Variants in MAGI2 observed in about 807,000 individuals in gnomAD.
The protein encoded by MAGI2 is membrane-associated guanylate kinase, WW and PDZ domain-containing protein 2.
Under a neutral mutation model 133.3 loss-of-function variants are expected in MAGI2, and 35 were observed. That is an observed-to-expected ratio of 0.26 (90% CI 0.20 to 0.35). The LOEUF (loss-of-function observed/expected upper bound fraction) is 0.35. MAGI2 is among the 10% of genes least tolerant of loss of function. The pLI is 1.00. For synonymous variants in MAGI2, 729 were observed against 710.6 expected (o/e 1.03, Z -0.41); for missense variants, 1,636 against 1,863.4 (o/e 0.88, Z 2.25).
At chr7:78,584,356 G>A (rs1054387272) in intron 3 of MAGI2, among the ~76,000 whole-genome samples, 3 of 140,654 alleles carry the variant, frequency 2.1e-5, no homozygotes, top group African/African-American at 7.9e-5. Flanking sequence ...AGAGGCAGAG[G>A]TTGCAGTGAG....
intron 1 of MAGI2, among the ~76,000 whole-genome samples, chr7:79,182,571 T>C (rs1826715800): frequency 1.3e-5 from 2 of 151,910 alleles, no homozygotes; most frequent in Admixed American, 6.6e-5. Flanking sequence ...AATTGGACTC[T>C]TATACACTAT....
chr7:78,930,016 C>T (rs1043694721), intron 2 of MAGI2, among the ~76,000 whole-genome samples: 1 of 151,990 alleles, frequency 6.6e-6, no homozygotes, highest in Non-Finnish European at 1.5e-5. Context: ...AAGACGTCAC[C>T]AGTAGAATAC....
intron 1 of MAGI2, among the ~76,000 whole-genome samples, chr7:79,248,006 A>C (rs1315380723): frequency 6.6e-6 from 1 of 152,174 alleles, no homozygotes; most frequent in African/African-American, 2.4e-5. Context: ...TGGCAGGAGT[A>C]AGTTCATACT....
chr7:79,358,787 C>T (rs1842189740), intron 1 of MAGI2, among the ~76,000 whole-genome samples: 1 of 152,106 alleles, frequency 6.6e-6, no homozygotes, highest in African/African-American at 2.4e-5. Flanking sequence ...TTCAGTGGCA[C>T]TAACAAACCA....
intron 5 of MAGI2, among the ~76,000 whole-genome samples, chr7:78,497,002 G>A (rs758815093): frequency 6.6e-6 from 1 of 152,166 alleles, no homozygotes; most frequent in Non-Finnish European, 1.5e-5. Flanking sequence ...TAAGGATTAA[G>A]TGAATGGAGT....
At chr7:79,445,172 G>T (rs556755092) in intron 1 of MAGI2, among the ~76,000 whole-genome samples, 100 of 152,228 alleles carry the variant, frequency 6.6e-4, no homozygotes, top group Non-Finnish European at 1.1e-3. Flanking sequence ...ATTCAAGATG[G>T]ATTAAAGACT....
chr7:79,245,514 G>A (rs1832753536), intron 1 of MAGI2, among the ~76,000 whole-genome samples: 1 of 152,196 alleles, frequency 6.6e-6, no homozygotes, highest in African/African-American at 2.4e-5. Flanking sequence ...CAAGTTCGGG[G>A]TGGTGGTGTC....
chr7:79,360,376 A>AAGT (rs1842304347), intron 1 of MAGI2, among the ~76,000 whole-genome samples: 1 of 152,114 alleles, frequency 6.6e-6, no homozygotes, highest in African/African-American at 2.4e-5. Flanking sequence ...AGATTGGCTA[A>AAGT]AGTAGTTTCT....
At chr7:79,025,972 T>C (rs1235944624) in intron 1 of MAGI2, among the ~76,000 whole-genome samples, 6 of 152,216 alleles carry the variant, frequency 3.9e-5, no homozygotes, top group Admixed American at 6.5e-5. Flanking sequence ...TACTGAATTA[T>C]AAAATAGCAT....
chr7:79,153,841 C>T (rs1329447931), intron 1 of MAGI2, among the ~76,000 whole-genome samples: 1 of 152,114 alleles, frequency 6.6e-6, no homozygotes, highest in East Asian at 1.9e-4. Flanking sequence ...CTTCCAAGGC[C>T]ACCTTTCACT....
chr7:78,090,752 A>AGCT lies in MAGI2; in HGVS notation c.3568-11670_3568-11668dup, dbSNP rs142948437. Among the ~76,000 whole-genome samples the AGCT allele has an allele frequency of 7.8e-3, 1,188 of 152,328 alleles. 12 individuals carry two copies. Among genetic ancestry groups the AGCT allele is most frequent in the African/African-American group, 0.027 (1,117 of 41,568 alleles). On this transcript the variant is annotated intron_variant, in intron 20 of 21. Coordinates refer to ENST00000354212, the MANE Select transcript of MAGI2 (RefSeq NM_012301.4). ...AATCTTCTACTTGCAAGGAGAGGCA[A>AGCT]GCTTACAAACAGCAAGCCTGTGCCA... is the stretch of plus-strand genomic sequence containing the variant.
Position 78,581,546 on chromosome 7 carries a change from A to G in MAGI2, c.538+45574T>C, listed in dbSNP as rs377389553. 1.6e-3 allele frequency among the ~76,000 whole-genome samples: 243 copies of G among 152,320 alleles called. 1 individual carries two copies. Among genetic ancestry groups the G allele is most frequent in the African/African-American group, 5.6e-3 (233 of 41,574 alleles). ...AGTAACTTCACACATTTTATTTTCT[A>G]GAGAAAAATCACACACTACTTGAAA... On this transcript the variant is annotated intron_variant, in intron 3 of 21. Transcript: ENST00000354212.
chr7:78,153,942 A>AATC (rs1439046243), intron 16 of MAGI2, among the ~76,000 whole-genome samples: 1 of 152,140 alleles, frequency 6.6e-6, no homozygotes, highest in Non-Finnish European at 1.5e-5. Context: ...ATTTAGCTTG[A>AATC]ATCTCCTTGT....
chr7:78,081,766 T>C (rs35764604), intron 20 of MAGI2, among the ~76,000 whole-genome samples: 15,302 of 152,110 alleles, frequency 0.1, 1,249 homozygotes, highest in East Asian at 0.43. Flanking sequence ...AGCTGAGTGG[T>C]GGTTAGAAAT....
At chr7:78,401,859 AG>A (rs1796899530) in intron 6 of MAGI2, among the ~76,000 whole-genome samples, 1 of 152,156 alleles carries the variant, frequency 6.6e-6, no homozygotes, top group Non-Finnish European at 1.5e-5. Context: ...GTGGAGTATG[AG>A]TAAGCAGTTA....
intron 2 of MAGI2, among the ~76,000 whole-genome samples, chr7:78,708,550 A>T (rs181528358): frequency 5.6e-4 from 86 of 152,256 alleles, no homozygotes; most frequent in Admixed American, 2.9e-3. Flanking sequence ...TATTTTACAC[A>T]TGTTAATTCA....
At chr7:79,290,611 G>C (rs746582897) in intron 1 of MAGI2, among the ~76,000 whole-genome samples, 2 of 151,526 alleles carry the variant, frequency 1.3e-5, no homozygotes, top group Admixed American at 6.6e-5. Flanking sequence ...CATCTACATA[G>C]CTAAATGTGG....
intron 14 of MAGI2, among the ~76,000 whole-genome samples, chr7:78,176,101 C>T (rs535063945): frequency 2.0e-5 from 3 of 152,236 alleles, no homozygotes; most frequent in African/African-American, 4.8e-5. Context: ...ATCTCAGAAT[C>T]GGAGATGGGG....
chr7:78,833,990 C>T (rs1381577714), intron 2 of MAGI2, among the ~76,000 whole-genome samples: 1 of 152,106 alleles, frequency 6.6e-6, no homozygotes, highest in Non-Finnish European at 1.5e-5. Context: ...ATTATTATGT[C>T]CCCTATACTT....
Sources: allele counts gnomAD v4.1 joint callset (sites outside exome capture counted in the v4.1 genomes callset), GRCh38; gene constraint gnomAD v4.1.1; transcripts MANE v1.5; gene names NCBI Gene and HGNC (gene_info 2026-07-23, HGNC 2026-07-21).